Variants in ADAMTS3 observed in about 807,000 individuals in gnomAD.
ADAMTS3 encodes A disintegrin and metalloproteinase with thrombospondin motifs 3.
Under a neutral mutation model 129.0 loss-of-function variants are expected in ADAMTS3, and 73 were observed. The ratio of observed to expected loss-of-function variants is 0.57; its 90% confidence interval spans 0.47 to 0.69. The LOEUF (loss-of-function observed/expected upper bound fraction) is 0.69, where lower values mean the gene tolerates loss of function less well. Ranked by LOEUF, ADAMTS3 falls within the 30% of genes least tolerant of loss-of-function variation. The pLI is 0.00. For missense variants in ADAMTS3, 1,457 were observed against 1,514.5 expected, an observed-to-expected ratio of 0.96 and a Z score of 0.63; for synonymous variants, 477 against 510.8, an observed-to-expected ratio of 0.93 and a Z score of 0.89.
chr4:72,561,822 C>T (rs1721911761), intron 2 of ADAMTS3, among the ~76,000 whole-genome samples: 1 of 152,184 alleles, frequency 6.6e-6, no homozygotes, highest in African/African-American at 2.4e-5. Context: ...GTTCTAAATT[C>T]CATGCAGATT....
intron 4 of ADAMTS3, among the ~76,000 whole-genome samples, chr4:72,349,868 T>A (rs376959952): frequency 2.6e-5 from 4 of 152,028 alleles, no homozygotes; most frequent in African/African-American, 9.7e-5. Flanking sequence ...TCTACATTTT[T>A]AAAAATCTAA....
chr4:72,446,517 C>A (rs543310908), intron 3 of ADAMTS3, among the ~76,000 whole-genome samples: 2 of 151,462 alleles, frequency 1.3e-5, no homozygotes, highest in Non-Finnish European at 3.0e-5. Flanking sequence ...AAGAAAACAG[C>A]GATCACACTG....
chr4:72,494,015 G>C (rs1230044263), intron 3 of ADAMTS3, among the ~76,000 whole-genome samples: 1 of 152,032 alleles, frequency 6.6e-6, no homozygotes, highest in African/African-American at 2.4e-5. Flanking sequence ...CTTTGTCTTT[G>C]ACATTTGACA....
intron 3 of ADAMTS3, among the ~76,000 whole-genome samples, chr4:72,499,650 G>A (rs752345970): frequency 2.5e-4 from 38 of 151,854 alleles, no homozygotes; most frequent in Non-Finnish European, 4.1e-4. Flanking sequence ...TTTTAGATTC[G>A]GGAGTACATT....
intron 5 of ADAMTS3, among the ~76,000 whole-genome samples, chr4:72,333,848 C>CTTTTTTTTTTTTTTTT (rs6148516): frequency 1.0e-5 from 1 of 99,466 alleles, no homozygotes. Flanking sequence ...TGTTTGCTTG[C>CTTTTTTTTTTTTTTTT]TTTTTTTTTT....
intron 3 of ADAMTS3, among the ~76,000 whole-genome samples, chr4:72,516,860 C>T (rs1431356921): frequency 1.3e-5 from 2 of 152,008 alleles, no homozygotes; most frequent in African/African-American, 4.8e-5. Flanking sequence ...CTGGCCAGAA[C>T]TTCCAACACT....
intron 4 of ADAMTS3, among the ~76,000 whole-genome samples, chr4:72,388,346 G>A (rs1052798769): frequency 5.9e-5 from 9 of 152,194 alleles, no homozygotes; most frequent in Non-Finnish European, 1.0e-4. Flanking sequence ...CACTAATCAT[G>A]CAGTTTAAAA....
chr4:72,330,752 T>C (rs966890749), intron 5 of ADAMTS3: 2 of 152,210 alleles, frequency 1.3e-5, no homozygotes, highest in Non-Finnish European at 2.9e-5. Flanking sequence ...TCTTTCCTTT[T>C]ATGTGAATTA....
chr4:72,502,656 T>C (rs1309701548), intron 3 of ADAMTS3, among the ~76,000 whole-genome samples: 1 of 152,160 alleles, frequency 6.6e-6, no homozygotes, highest in Non-Finnish European at 1.5e-5. Context: ...GGGATTTGTT[T>C]GTTCTTATTT....
chr4:72,299,942 T>A (rs1718908750), intron 17 of ADAMTS3, among the ~76,000 whole-genome samples: 1 of 152,138 alleles, frequency 6.6e-6, no homozygotes, highest in Non-Finnish European at 1.5e-5. Flanking sequence ...AAAAATTGAT[T>A]TTCATGTAGC....
intron 3 of ADAMTS3, among the ~76,000 whole-genome samples, chr4:72,511,286 T>A (rs1408618730): frequency 1.3e-5 from 2 of 151,984 alleles, no homozygotes; most frequent in African/African-American, 4.8e-5. Flanking sequence ...TGGGATCACA[T>A]CAACTTAAAA....
At position 72,520,961 on chromosome 4, in the gene ADAMTS3, G is replaced by A. The variant is rs181754547; in HGVS notation, c.504+27517C>T. ...CTCACGCTGGGAGCTGTAGACTAGC[G>A]CTGTTCCTATTCGGCCATCTGGGCT... On this transcript the variant is annotated intron_variant, in intron 3 of 21. Coordinates refer to ENST00000286657, the MANE Select transcript of ADAMTS3 (RefSeq NM_014243.3). Among the ~76,000 whole-genome samples the A allele has an allele frequency of 2.1e-3, 316 of 151,796 alleles. 1 individual carries two copies. The highest frequency in any genetic ancestry group is 7.3e-3 in the African/African-American group (304 of 41,372).
chr4:72,483,884 G>A (rs1719508495), intron 3 of ADAMTS3, among the ~76,000 whole-genome samples: 1 of 152,108 alleles, frequency 6.6e-6, no homozygotes, highest in African/African-American at 2.4e-5. Context: ...CAGGCGTGGT[G>A]GCAGGCGCCT....
intron 17 of ADAMTS3, among the ~76,000 whole-genome samples, chr4:72,302,055 T>C (rs763207613): frequency 6.6e-6 from 1 of 152,010 alleles, no homozygotes; most frequent in African/African-American, 2.4e-5. Context: ...AACACTGAAA[T>C]AGACTAGCTG....
At chr4:72,427,638 CAAAAAAAGAAG>C (rs1248673701) in intron 3 of ADAMTS3, among the ~76,000 whole-genome samples, 1 of 151,134 alleles carries the variant, frequency 6.6e-6, no homozygotes, top group Non-Finnish European at 1.5e-5. Context: ...AAAACAGAGA[CAAAAAAAGAAG>C]AAAAAAAGAA....
At chr4:72,306,453 G>A (rs891108521) in intron 15 of ADAMTS3, among the ~76,000 whole-genome samples, 7 of 151,850 alleles carry the variant, frequency 4.6e-5, no homozygotes, top group African/African-American at 1.7e-4. Context: ...GTTCACTTAA[G>A]TTGTAAACTT....
intron 3 of ADAMTS3, among the ~76,000 whole-genome samples, chr4:72,460,324 CGT>C (rs1718732715): frequency 6.6e-6 from 1 of 151,226 alleles, no homozygotes; most frequent in African/African-American, 2.4e-5. Context: ...AGTATATGAA[CGT>C]GTGTGTATTT....
intron 4 of ADAMTS3, among the ~76,000 whole-genome samples, chr4:72,412,939 A>G (rs1425655197): frequency 6.6e-6 from 1 of 152,034 alleles, no homozygotes; most frequent in Non-Finnish European, 1.5e-5. Context: ...TGACATTTTA[A>G]ATAATTTTCT....
chr4:72,457,178 C>T (rs1321774940), intron 3 of ADAMTS3, among the ~76,000 whole-genome samples: 1 of 151,620 alleles, frequency 6.6e-6, no homozygotes, highest in East Asian at 1.9e-4. Flanking sequence ...AAATGTTCTA[C>T]ATTATAAGCA....
Sources: gnomAD v4.1 joint callset for allele counts (sites outside exome capture counted in the v4.1 genomes callset) on GRCh38, gnomAD v4.1.1 for gene constraint, MANE v1.5 for transcripts, NCBI Gene and HGNC (gene_info 2026-07-23, HGNC 2026-07-21) for gene names.